ACVR1: variants seen among roughly 807,000 people sequenced by gnomAD.
The protein encoded by ACVR1 is activin receptor type-1.
In ACVR1, 38 loss-of-function variants were observed where a neutral mutation model predicts 57.1. That is an observed-to-expected ratio of 0.67 (90% CI 0.51 to 0.87). ACVR1 has a LOEUF of 0.87. Ranked by LOEUF, ACVR1 falls within the 40% of genes least tolerant of loss-of-function variation. The pLI, the probability that ACVR1 is intolerant of heterozygous loss-of-function variation, is 0.00. For synonymous variants in ACVR1, 212 were observed against 228.1 expected (o/e 0.93, Z 0.63); for missense variants, 463 against 638.2 (o/e 0.73, Z 2.96).
At chr2:157,781,225 T>C (rs1011453748) in intron 3 of ACVR1, among the ~76,000 whole-genome samples, 1 of 152,244 alleles carries the variant, frequency 6.6e-6, no homozygotes, top group Non-Finnish European at 1.5e-5. Flanking sequence ...TTATCCTGGC[T>C]GAGCATCTCA....
At chr2:157,798,939 C>G (rs534318938) in intron 3 of ACVR1, among the ~76,000 whole-genome samples, 1 of 151,928 alleles carries the variant, frequency 6.6e-6, no homozygotes, top group Non-Finnish European at 1.5e-5. Context: ...CTCTGTTGCC[C>G]GGGCTGGAGT....
chr2:157,748,632 A>T (rs77725708), intron 9 of ACVR1, among the ~76,000 whole-genome samples: 4 of 137,442 alleles, frequency 2.9e-5, no homozygotes, highest in South Asian at 2.2e-4. Context: ...TGATTCCATT[A>T]AAAAAAAAAA....
intron 3 of ACVR1, among the ~76,000 whole-genome samples, chr2:157,799,068 T>C (rs1687227060): frequency 6.6e-6 from 1 of 151,924 alleles, no homozygotes; most frequent in Non-Finnish European, 1.5e-5. Flanking sequence ...GGCTAATTTT[T>C]GCATTTTTAG....
intron 6 of ACVR1, 107 bp from the exon 7 acceptor site, chr2:157,770,621 T>G: frequency 8.9e-7 from 1 of 1,124,866 alleles, no homozygotes; most frequent in Non-Finnish European, 1.3e-6. Context: ...AATCCCTCCA[T>G]TGCTTACTGG....
In ACVR1 at chr2:157,836,069, G is replaced by C. The variant is rs370751724; in HGVS notation, c.-182-17510C>G. 5.9e-5 allele frequency among the ~76,000 whole-genome samples: 9 copies of C among 152,160 alleles called. No individual in the cohort carries two copies. The East Asian group carries it at 1.7e-3, about 29-fold the overall frequency. On this transcript the variant is annotated intron_variant, in intron 1 of 10. Transcript: ENST00000434821. ...CATATAAAATTAACAGTGACGACCTGACATTTAGAAAAAGACAAGCTGGCA... is the reference window on the plus strand; with the variant it reads ...CATATAAAATTAACAGTGACGACCTCACATTTAGAAAAAGACAAGCTGGCA...
At chr2:157,809,569 G>A (rs1467728865) in intron 2 of ACVR1, among the ~76,000 whole-genome samples, 2 of 151,944 alleles carry the variant, frequency 1.3e-5, no homozygotes, top group African/African-American at 4.8e-5. Context: ...GATACCGGGT[G>A]GAGAGAGACT....
chr2:157,755,623 C>T (rs893735814), intron 9 of ACVR1, among the ~76,000 whole-genome samples: 3 of 152,150 alleles, frequency 2.0e-5, no homozygotes, highest in Admixed American at 6.5e-5. Context: ...CAGAAGATCT[C>T]TACAAGGAAA....
chr2:157,749,305 A>T (rs954018862), intron 9 of ACVR1, among the ~76,000 whole-genome samples: 1 of 152,228 alleles, frequency 6.6e-6, no homozygotes, highest in African/African-American at 2.4e-5. Flanking sequence ...TGTGGGGGAC[A>T]TAGGTTAAAA....
chr2:157,762,881 G>A (rs989322411), intron 8 of ACVR1, among the ~76,000 whole-genome samples: 4 of 152,118 alleles, frequency 2.6e-5, no homozygotes, highest in African/African-American at 4.8e-5. Context: ...TCACAGAGTT[G>A]GAAACTCCAG....
intron 1 of ACVR1, among the ~76,000 whole-genome samples, chr2:157,842,811 A>G (rs1485653837): frequency 6.6e-6 from 1 of 152,204 alleles, no homozygotes; most frequent in Non-Finnish European, 1.5e-5. Context: ...TTAATCTAAA[A>G]TATTAACTCT....
chr2:157,767,958 GAAGT>G lies in ACVR1; in HGVS notation c.791-1766_791-1763del, dbSNP rs1183789060. ...ATATGCAATCCTCCAAAAACCACATGAAGTAAGTAGATCGCATAATTGATATTAG... is the reference window on the plus strand; with the variant it reads ...ATATGCAATCCTCCAAAAACCACATGAAGTAGATCGCATAATTGATATTAG... On this transcript the variant is annotated intron_variant, in intron 7 of 10. Transcript: ENST00000434821. 3.3e-5 allele frequency among the ~76,000 whole-genome samples: 5 copies of G among 152,300 alleles called. No homozygotes were observed. In the East Asian group the frequency reaches 9.6e-4, roughly 29 times the overall value.
intron 9 of ACVR1, among the ~76,000 whole-genome samples, chr2:157,742,080 G>C (rs540917225): frequency 9.2e-5 from 14 of 152,256 alleles, no homozygotes; most frequent in Admixed American, 2.6e-4. Context: ...AGAGCCGGGG[G>C]AGAAGAAGGG....
chr2:157,858,423 T>C (rs994152742), intron 1 of ACVR1, among the ~76,000 whole-genome samples: 1 of 152,122 alleles, frequency 6.6e-6, no homozygotes, highest in Non-Finnish European at 1.5e-5. Context: ...CTCATCTGTA[T>C]CTAGCCCTTT....
intron 1 of ACVR1, among the ~76,000 whole-genome samples, chr2:157,828,033 T>C (rs1305044081): frequency 6.6e-6 from 1 of 152,190 alleles, no homozygotes; most frequent in East Asian, 1.9e-4. Flanking sequence ...TTAAAGGTGC[T>C]GTTTTTGGGC....
chr2:157,828,470 A>T (rs1404571784), intron 1 of ACVR1, among the ~76,000 whole-genome samples: 2 of 150,818 alleles, frequency 1.3e-5, no homozygotes, highest in African/African-American at 2.4e-5. Flanking sequence ...AAAAAAAAAA[A>T]ATTAGGTGGG....
chr2:157,770,457 A>T lies in ACVR1; in HGVS notation c.701T>A (p.Val234Glu). The T allele has an allele frequency of 6.2e-7, 1 of 1,614,034 alleles. No individual in the cohort carries two copies. The highest frequency in any genetic ancestry group is 8.5e-7 in the Non-Finnish European group (1 of 1,179,956). The change falls in exon 7 of 11, where the codon GTG becomes GAG. Residue 234 changes from valine (V) to glutamate (E), a missense_variant. Physicochemically the swap from Val to Glu is moderately radical, Grantham distance 121 (BLOSUM62 -2). Transcript: ENST00000434821. ...CTCATCACGGGAGGAGAAGATCTTC[A>T]CGGCAACATTCTCCCCTTGCCAGCT... ...RGSWQGENVA[V>E]KIFSSRDEKS...
intron 9 of ACVR1, among the ~76,000 whole-genome samples, chr2:157,750,903 A>T (rs546825195): frequency 2.0e-5 from 3 of 152,322 alleles, no homozygotes; most frequent in Admixed American, 2.0e-4. Context: ...TCATTAAAAA[A>T]AAAAATCAAA....
intron 5 of ACVR1, among the ~76,000 whole-genome samples, chr2:157,776,549 G>C (rs1252663715): frequency 3.9e-5 from 6 of 152,180 alleles, no homozygotes; most frequent in Non-Finnish European, 7.3e-5. Context: ...CTGTACCACA[G>C]TTTAAACAGT....
intron 1 of ACVR1, among the ~76,000 whole-genome samples, chr2:157,863,011 C>CTTTTTTT (rs374223805): frequency 1.6e-5 from 1 of 62,290 alleles, no homozygotes; most frequent in African/African-American, 7.3e-5. Context: ...AGAACATTTA[C>CTTTTTTT]TTTTTTTTTT....
Sources: allele counts gnomAD v4.1 joint callset (sites outside exome capture counted in the v4.1 genomes callset), GRCh38; gene constraint gnomAD v4.1.1; transcripts MANE v1.5; gene names NCBI Gene and HGNC (gene_info 2026-07-23, HGNC 2026-07-21).